Variants in LAMA2 observed in about 807,000 individuals in gnomAD.
LAMA2 encodes the protein laminin subunit alpha 2, also known as laminin subunit alpha-2.
Under a neutral mutation model 364.8 loss-of-function variants are expected in LAMA2, and 269 were observed. That is an observed-to-expected ratio of 0.74 (90% CI 0.67 to 0.82). The LOEUF is 0.82. Among genes scored for constraint, LAMA2 ranks in the 40% least tolerant of loss-of-function variants. The probability of loss-of-function intolerance (pLI) is 0.00; values close to 1 mark genes in which losing one functional copy is unlikely to be tolerated. For synonymous variants in LAMA2, 1,379 were observed against 1,370.6 expected, an observed-to-expected ratio of 1.01 and a Z score of -0.14; for missense variants, 3,807 against 3,873.2, an observed-to-expected ratio of 0.98 and a Z score of 0.45.
intron 10 of LAMA2, among the ~76,000 whole-genome samples, chr6:129,179,383 C>T (rs1441417130): frequency 6.6e-6 from 1 of 152,078 alleles, no homozygotes; most frequent in Non-Finnish European, 1.5e-5. Flanking sequence ...AAGTGCTTTT[C>T]TACACCTACC....
At chr6:129,444,407 C>T (rs564712784) in intron 44 of LAMA2, among the ~76,000 whole-genome samples, 1 of 152,188 alleles carries the variant, frequency 6.6e-6, no homozygotes, top group South Asian at 2.1e-4. Flanking sequence ...GAAAAATGAA[C>T]AAACGGTTTA....
intron 1 of LAMA2, among the ~76,000 whole-genome samples, chr6:128,962,331 CAG>C (rs913276915): frequency 9.2e-5 from 14 of 151,358 alleles, no homozygotes; most frequent in African/African-American, 3.4e-4. Context: ...GAAGAACAAA[CAG>C]AATATGATAT....
intron 39 of LAMA2, 75 bp downstream of exon 39, chr6:129,402,562 A>G: frequency 1.4e-6 from 2 of 1,401,086 alleles, no homozygotes; most frequent in South Asian, 2.4e-5. Context: ...TAAATAGTAG[A>G]GAATCATTTT....
intron 7 of LAMA2, among the ~76,000 whole-genome samples, chr6:129,151,181 A>G (rs1778771021): frequency 6.6e-6 from 1 of 152,158 alleles, no homozygotes. Flanking sequence ...GTGGGGCTGT[A>G]GGTGTAGGGT....
At chr6:129,046,856 C>A (rs1787546125) in intron 1 of LAMA2, among the ~76,000 whole-genome samples, 2 of 152,100 alleles carry the variant, frequency 1.3e-5, no homozygotes, top group Non-Finnish European at 2.9e-5. Context: ...ACTTCTATTT[C>A]TCCTTGAAAA....
At chr6:129,402,755 T>C (rs1780052011) in intron 39 of LAMA2, among the ~76,000 whole-genome samples, 1 of 152,206 alleles carries the variant, frequency 6.6e-6, no homozygotes, top group Non-Finnish European at 1.5e-5. Flanking sequence ...GAAAAAATTA[T>C]TTTCTGTTCT....
chr6:129,079,948 G>GA (rs1209623670), intron 3 of LAMA2, among the ~76,000 whole-genome samples: 2 of 151,900 alleles, frequency 1.3e-5, no homozygotes, highest in African/African-American at 4.8e-5. Flanking sequence ...CAAGGCCCAT[G>GA]AAAACTCAAA....
chr6:129,351,810 A>T (rs933312110), intron 31 of LAMA2, among the ~76,000 whole-genome samples: 1 of 152,208 alleles, frequency 6.6e-6, no homozygotes, highest in African/African-American at 2.4e-5. Context: ...ATTTAAGTGG[A>T]CTTACTTAAA....
In LAMA2 at chr6:129,055,185, A is replaced by G. The variant is rs1042628988; in HGVS notation, c.284-4599A>G. On this transcript the variant is annotated intron_variant, in intron 2 of 64. Coordinates refer to ENST00000421865, the MANE Select transcript of LAMA2 (RefSeq NM_000426.4). ...CTTTACATTATTATTATTTATTATT[A>G]TTATTATTATTATTATTATTATTTG... 2.5e-4 allele frequency among the ~76,000 whole-genome samples: 5 copies of G among 20,052 alleles called. No homozygotes were observed. In the East Asian group the frequency reaches 5.9e-3, roughly 24 times the overall value. The allele number at this position is 20,052 out of a possible 152,430, so 13.2% of individuals were successfully genotyped here. A position where few individuals can be genotyped will look rare whatever the true frequency, so the allele number is the denominator to read the frequency against.
intron 23 of LAMA2, 111 bp downstream of exon 23, chr6:129,313,208 CA>C: frequency 1.5e-6 from 1 of 679,588 alleles, no homozygotes; most frequent in Non-Finnish European, 2.5e-6. Context: ...GCTAAACAAA[CA>C]GATGGACAAA....
chr6:129,152,667 C>T (rs1441369030), intron 7 of LAMA2, among the ~76,000 whole-genome samples: 1 of 152,160 alleles, frequency 6.6e-6, no homozygotes, highest in Non-Finnish European at 1.5e-5. Context: ...CTCAAAGTCA[C>T]TCAACTGGCA....
chr6:129,194,341 T>C (rs192503263), intron 12 of LAMA2, among the ~76,000 whole-genome samples: 1 of 152,284 alleles, frequency 6.6e-6, no homozygotes, highest in Non-Finnish European at 1.5e-5. Flanking sequence ...TTTACCAGAT[T>C]TTCCATCCTT....
At chr6:129,164,584 A>C (rs145529840) in intron 8 of LAMA2, among the ~76,000 whole-genome samples, 2 of 152,346 alleles carry the variant, frequency 1.3e-5, no homozygotes, top group East Asian at 3.9e-4. Flanking sequence ...GTTTACTTTC[A>C]TACTTTGTTA....
At chr6:129,047,486 A>G (rs1787600166) in intron 1 of LAMA2, among the ~76,000 whole-genome samples, 1 of 152,212 alleles carries the variant, frequency 6.6e-6, no homozygotes, top group Non-Finnish European at 1.5e-5. Flanking sequence ...GCTGAAGAAA[A>G]ACACAAGGCA....
intron 1 of LAMA2, among the ~76,000 whole-genome samples, chr6:128,921,770 A>G (rs1394235703): frequency 6.7e-6 from 1 of 150,278 alleles, no homozygotes; most frequent in Non-Finnish European, 1.5e-5. Context: ...GATTAGTTAC[A>G]TATGTATACA....
At chr6:129,036,347 A>T (rs980548215) in intron 1 of LAMA2, among the ~76,000 whole-genome samples, 10 of 152,332 alleles carry the variant, frequency 6.6e-5, no homozygotes, top group South Asian at 4.1e-4. Context: ...TGGGAATTTA[A>T]TAAAATCTAA....
intron 12 of LAMA2, among the ~76,000 whole-genome samples, chr6:129,200,300 ATGTGTG>A (rs756707471): frequency 7.1e-6 from 1 of 140,662 alleles, no homozygotes; most frequent in South Asian, 2.2e-4. Context: ...ACACATATAC[ATGTGTG>A]TATATATATA....
intron 40 of LAMA2, among the ~76,000 whole-genome samples, chr6:129,425,165 A>G (rs1200201891): frequency 6.6e-6 from 1 of 152,046 alleles, no homozygotes; most frequent in Non-Finnish European, 1.5e-5. Context: ...AATGATGGAT[A>G]TATTCTCTAC....
At chr6:128,920,547 A>G (rs1043735293) in intron 1 of LAMA2, among the ~76,000 whole-genome samples, 1 of 152,014 alleles carries the variant, frequency 6.6e-6, no homozygotes, top group Non-Finnish European at 1.5e-5. Flanking sequence ...TATTGGCTCT[A>G]TTCTTCCCCT....
Sources: allele counts gnomAD v4.1 joint callset (sites outside exome capture counted in the v4.1 genomes callset), GRCh38; gene constraint gnomAD v4.1.1; transcripts MANE v1.5; gene names NCBI Gene and HGNC (gene_info 2026-07-23, HGNC 2026-07-21).